SGCZ: variants seen among roughly 807,000 people sequenced by gnomAD.
SGCZ encodes zeta-sarcoglycan.
SGCZ carries 40 observed loss-of-function variants against 41.3 expected under a neutral mutation model. That is an observed-to-expected ratio of 0.97 (90% confidence interval 0.75 to 1.26). SGCZ has a LOEUF of 1.26. Among genes scored for constraint, SGCZ ranks in the 50% most tolerant of loss-of-function variants. The pLI, the probability that SGCZ is intolerant of heterozygous loss-of-function variation, is 0.00. For synonymous variants in SGCZ, 206 were observed against 137.5 expected, an observed-to-expected ratio of 1.50 and a Z score of -3.49; for missense variants, 552 against 369.8, an observed-to-expected ratio of 1.49 and a Z score of -4.04.
intron 1 of SGCZ, among the ~76,000 whole-genome samples, chr8:14,806,273 A>T (rs1239783045): frequency 2.0e-5 from 3 of 151,198 alleles, no homozygotes; most frequent in Non-Finnish European, 4.4e-5. Flanking sequence ...AACCCTTCAA[A>T]AAATTAATGA....
intron 1 of SGCZ, among the ~76,000 whole-genome samples, chr8:14,994,927 C>T (rs1802161387): frequency 6.6e-6 from 1 of 152,188 alleles, no homozygotes; most frequent in Non-Finnish European, 1.5e-5. Flanking sequence ...ACCTTTCCTG[C>T]CAAACTATTT....
intron 2 of SGCZ, among the ~76,000 whole-genome samples, chr8:14,521,646 G>A (rs189651301): frequency 2.0e-5 from 3 of 152,148 alleles, no homozygotes; most frequent in Admixed American, 1.3e-4. Context: ...CATTTACCAA[G>A]GATAAATGCC....
chr8:14,944,210 G>A (rs1004867978), intron 1 of SGCZ, among the ~76,000 whole-genome samples: 1 of 152,210 alleles, frequency 6.6e-6, no homozygotes, highest in Non-Finnish European at 1.5e-5. Flanking sequence ...TTTAAGGAAT[G>A]CTGCTACAGT....
chr8:14,233,909 G>A (rs1299500284), intron 4 of SGCZ, among the ~76,000 whole-genome samples: 1 of 151,878 alleles, frequency 6.6e-6, no homozygotes, highest in Non-Finnish European at 1.5e-5. Flanking sequence ...CTCTTGGGAT[G>A]TTGTACTTTC....
At chr8:14,190,846 C>T (rs1563176553) in intron 4 of SGCZ, among the ~76,000 whole-genome samples, 4 of 152,142 alleles carry the variant, frequency 2.6e-5, no homozygotes, top group Admixed American at 2.6e-4. Context: ...TTGTGATCCA[C>T]CCGCCTCGGA....
rs114190457 is a variant in SGCZ, at chr8:14,086,268, T to A, written c.*4175A>T. Among the ~76,000 whole-genome samples the A allele has an allele frequency of 0.018, 2,686 of 151,856 alleles. 73 individuals carry two copies. The highest frequency in any genetic ancestry group is 0.061 in the African/African-American group (2,524 of 41,500). ...TATTAAATACTTTCAATGATTTTAATAATTTAACATTATTATGTTGACATT... is the reference window on the plus strand; with the variant it reads ...TATTAAATACTTTCAATGATTTTAAAAATTTAACATTATTATGTTGACATT... On this transcript the variant is annotated 3_prime_UTR_variant, in exon 8 of 8. Coordinates refer to ENST00000382080, the MANE Select transcript of SGCZ (RefSeq NM_139167.4).
Position 15,012,318 on chromosome 8 carries a change from C to T in SGCZ, c.39+225267G>A, listed in dbSNP as rs149754694. ...CCTCTACAGAAAAATAAAAAATTAG[C>T]ATGATGTGGTGACATATGCCTATAG... On this transcript the variant is annotated intron_variant, in intron 1 of 7. Transcript: ENST00000382080. 8.7e-3 allele frequency among the ~76,000 whole-genome samples: 1,316 copies of T among 151,332 alleles called. 10 individuals are homozygous for T. The highest frequency in any genetic ancestry group is 0.021 in the South Asian group (103 of 4,802).
chr8:14,195,087 A>G (rs1017346709), intron 4 of SGCZ, among the ~76,000 whole-genome samples: 1 of 152,284 alleles, frequency 6.6e-6, no homozygotes, highest in East Asian at 1.9e-4. Context: ...CATTAACAGG[A>G]GCAGAAAAAC....
chr8:14,768,348 C>G (rs993935005), intron 1 of SGCZ, among the ~76,000 whole-genome samples: 1 of 152,188 alleles, frequency 6.6e-6, no homozygotes, highest in Admixed American at 6.5e-5. Flanking sequence ...TTTTGTACAA[C>G]TGAGTTTCCA....
At chr8:14,100,406 C>T (rs1465616585) in intron 7 of SGCZ, among the ~76,000 whole-genome samples, 1 of 150,546 alleles carries the variant, frequency 6.6e-6, no homozygotes, top group African/African-American at 2.4e-5. Flanking sequence ...ATTATCAAAG[C>T]AACTCTTTAA....
At chr8:14,226,623 G>C (rs1278874096) in intron 4 of SGCZ, among the ~76,000 whole-genome samples, 1 of 152,058 alleles carries the variant, frequency 6.6e-6, no homozygotes. Context: ...TATTTGAGTT[G>C]ACTCCCGTTG....
At chr8:14,582,536 G>C (rs925025561) in intron 1 of SGCZ, among the ~76,000 whole-genome samples, 1 of 151,630 alleles carries the variant, frequency 6.6e-6, no homozygotes, top group African/African-American at 2.4e-5. Flanking sequence ...CATACTTTAA[G>C]TTTAGGGTAC....
At chr8:14,214,777 G>C (rs899463800) in intron 4 of SGCZ, among the ~76,000 whole-genome samples, 1 of 151,958 alleles carries the variant, frequency 6.6e-6, no homozygotes, top group Non-Finnish European at 1.5e-5. Context: ...CAAAAAAAAG[G>C]ACATTATATA....
intron 1 of SGCZ, among the ~76,000 whole-genome samples, chr8:14,765,683 G>C (rs918573001): frequency 1.3e-5 from 2 of 152,096 alleles, no homozygotes; most frequent in Non-Finnish European, 2.9e-5. Flanking sequence ...TATTTAAATA[G>C]CTTCAGTAAA....
intron 2 of SGCZ, among the ~76,000 whole-genome samples, chr8:14,465,467 T>G (rs1563347453): frequency 1.3e-5 from 2 of 151,658 alleles, no homozygotes; most frequent in Admixed American, 6.6e-5. Context: ...TCCTGTACAG[T>G]TGCATCATTT....
At chr8:14,804,600 T>C (rs976237271) in intron 1 of SGCZ, among the ~76,000 whole-genome samples, 4 of 144,906 alleles carry the variant, frequency 2.8e-5, no homozygotes, top group African/African-American at 1.0e-4. Context: ...AATCTACGTC[T>C]GATTGGTGTA....
At chr8:15,031,313 C>T (rs1483755167) in intron 1 of SGCZ, among the ~76,000 whole-genome samples, 2 of 152,056 alleles carry the variant, frequency 1.3e-5, no homozygotes, top group Non-Finnish European at 2.9e-5. Context: ...CATGCCTCGC[C>T]CAGGCCTTGA....
intron 1 of SGCZ, among the ~76,000 whole-genome samples, chr8:14,613,329 TA>T (rs1466865647): frequency 2.0e-5 from 3 of 152,210 alleles, no homozygotes; most frequent in Admixed American, 2.0e-4. Context: ...TGAAGGAAAC[TA>T]GTAAGTTTAT....
intron 2 of SGCZ, among the ~76,000 whole-genome samples, chr8:14,390,432 T>C (rs959827625): frequency 3.3e-5 from 5 of 151,838 alleles, no homozygotes; most frequent in Non-Finnish European, 5.9e-5. Context: ...TGACAAATAT[T>C]AGTAATTTAA....
Sources: gnomAD v4.1 joint callset for allele counts (sites outside exome capture counted in the v4.1 genomes callset) on GRCh38, gnomAD v4.1.1 for gene constraint, MANE v1.5 for transcripts, NCBI Gene and HGNC (gene_info 2026-07-23, HGNC 2026-07-21) for gene names.